The following GALNT12 variants were observed in gnomAD, a reference collection of about 807,000 sequenced individuals.
GALNT12 encodes UDP-GalNAc:polypeptide N-acetylgalactosaminyltransferase 12.
GALNT12 carries 45 observed loss-of-function variants against 55.5 expected under a neutral mutation model. The ratio of observed to expected loss-of-function variants is 0.81; its 90% CI spans 0.64 to 1.04. The LOEUF is 1.04. Among genes scored for constraint, GALNT12 ranks in the 50% least tolerant of loss-of-function variants. GALNT12 has a pLI of 0.00. For missense variants in GALNT12, 709 were observed against 754.8 expected (o/e 0.94, Z 0.71); for synonymous variants, 304 against 312.2 (o/e 0.97, Z 0.28).
chr9:98,827,032 G>A lies in GALNT12; in HGVS notation c.731+91G>A, dbSNP rs144305790. On this transcript the variant is annotated intron_variant, in intron 3 of 9. Transcript: ENST00000375011. ...CTCATCACGTCACTTGAGGGTTAACGGGTTGCCTGGGCTCAGCTGCTTCTC... is the reference window on the plus strand; with the variant it reads ...CTCATCACGTCACTTGAGGGTTAACAGGTTGCCTGGGCTCAGCTGCTTCTC... 1,459 of 1,362,600 alleles carry A rather than the reference G, an allele frequency of 1.1e-3. 1 individual carries two copies. Among genetic ancestry groups the A allele is most frequent in the Admixed American group, 2.9e-3 (146 of 50,780 alleles). 84.4% of individuals were successfully genotyped at this position (1,362,600 alleles called of 1,614,324 possible).
Position 98,826,877 on chromosome 9 carries a change from G to A in GALNT12, c.667G>A (p.Val223Ile), listed in dbSNP as rs776852348. The A allele has an allele frequency of 1.9e-6, 3 of 1,595,728 alleles. No homozygotes were observed. The highest frequency in any genetic ancestry group is 1.1e-5 in the South Asian group (1 of 88,172). ...GGGGGCGTCTGCGGCGAGGGGCGAT[G>A]TTCTGACCTTCCTGGACTGTCACTG... ...LLGASAARGD[V>I]LTFLDCHCEC... Residue 223 changes from valine (V) to isoleucine (I), a missense_variant, in exon 3 of 10, where the codon GTT becomes ATT. Coordinates refer to ENST00000375011, the MANE Select transcript of GALNT12 (RefSeq NM_024642.5).
At position 98,810,362 on chromosome 9, in the gene GALNT12, A is replaced by G. The variant is rs138137382; in HGVS notation, c.371+2293A>G. Reference sequence around the variant, plus strand: ...CACATCTCAGGCAGAGCCACAGTCCATATCTGTTACTCGTTCCTCCCTTTT... The same window carrying G: ...CACATCTCAGGCAGAGCCACAGTCCGTATCTGTTACTCGTTCCTCCCTTTT... On this transcript the variant is annotated intron_variant, in intron 1 of 9. Transcript: ENST00000375011. Among the ~76,000 whole-genome samples, 981 of 152,302 alleles carry G rather than the reference A, an allele frequency of 6.4e-3. 8 individuals carry two copies. Among genetic ancestry groups the G allele is most frequent in the South Asian group, 0.012 (60 of 4,822 alleles).
rs79849586 is a variant in GALNT12 at position 98,830,367 on chromosome 9, T to C, written c.732-1405T>C. Among the ~76,000 whole-genome samples, 28 of 152,326 alleles carry C rather than the reference T, an allele frequency of 1.8e-4. 1 individual carries two copies. In the East Asian group the frequency reaches 5.4e-3, roughly 29 times the overall value. ...ACCAGGTAGGGCTCCTGGCATTTTGTGTATCAGGGAGGCCAAGTATCCTGC... is the reference window on the plus strand; with the variant it reads ...ACCAGGTAGGGCTCCTGGCATTTTGCGTATCAGGGAGGCCAAGTATCCTGC... On this transcript the variant is annotated intron_variant, in intron 3 of 9. Transcript: ENST00000375011.
intron 1 of GALNT12, among the ~76,000 whole-genome samples, chr9:98,820,132 A>G (rs971152520): frequency 6.6e-6 from 1 of 152,116 alleles, no homozygotes. Flanking sequence ...TGTGCAGGAT[A>G]TACAGGTTTG....
chr9:98,814,601 T>G (rs1232983224), intron 1 of GALNT12, among the ~76,000 whole-genome samples: 2 of 151,698 alleles, frequency 1.3e-5, no homozygotes, highest in Non-Finnish European at 1.5e-5. Context: ...TCCCAGCTAC[T>G]TGGGAGGCTG....
chr9:98,848,400 CAGG>C (rs1836468373), intron 9 of GALNT12, among the ~76,000 whole-genome samples: 2 of 152,130 alleles, frequency 1.3e-5, no homozygotes, highest in African/African-American at 4.8e-5. Context: ...AGGAGAGAAG[CAGG>C]AGGTCATTAA....
intron 1 of GALNT12, among the ~76,000 whole-genome samples, chr9:98,814,101 G>A (rs947083429): frequency 4.6e-5 from 7 of 152,138 alleles, no homozygotes; most frequent in African/African-American, 1.7e-4. Flanking sequence ...ATGTCATCAC[G>A]AAATTATTGA....
chr9:98,823,536 G>T, intron 2 of GALNT12, 111 bp downstream of exon 2: 1 of 878,622 alleles, frequency 1.1e-6, no homozygotes, highest in Admixed American at 1.8e-5. Context: ...TGGGCTTCCT[G>T]TATCCTCCTG....
intron 6 of GALNT12, among the ~76,000 whole-genome samples, chr9:98,839,439 T>C (rs1836235800): frequency 6.6e-6 from 1 of 152,268 alleles, no homozygotes; most frequent in South Asian, 2.1e-4. Context: ...TATTTAATTA[T>C]TCAAAAGCTC....
At chr9:98,812,579 A>G (rs1291849206) in intron 1 of GALNT12, among the ~76,000 whole-genome samples, 1 of 152,240 alleles carries the variant, frequency 6.6e-6, no homozygotes, top group Non-Finnish European at 1.5e-5. Context: ...GCGACAGAAC[A>G]AGACTCCATT....
chr9:98,844,083 A>T lies in GALNT12; in HGVS notation c.1345-13A>T. 1 of 1,570,462 alleles carries T rather than the reference A, an allele frequency of 6.4e-7. No individual in the cohort carries two copies. The highest frequency in any genetic ancestry group is 2.2e-5 in the East Asian group (1 of 44,654). On this transcript the variant is annotated splice_polypyrimidine_tract_variant and intron_variant, in intron 7 of 9. Transcript: ENST00000375011. ...AAATCTGGACTGAAATGCCACATTT[A>T]TGTTTTATTTAGCTCCAGAACAAAG...
At chr9:98,848,832 C>T (rs1836480337) in intron 9 of GALNT12, 120 bp from the exon 10 acceptor site, 2 of 1,184,006 alleles carry the variant, frequency 1.7e-6, no homozygotes, top group African/African-American at 1.5e-5. Flanking sequence ...ACGGAAGACA[C>T]TTACCCCTCA....
intron 1 of GALNT12, among the ~76,000 whole-genome samples, chr9:98,818,021 C>T (rs1366454580): frequency 1.3e-5 from 2 of 152,034 alleles, no homozygotes; most frequent in African/African-American, 2.4e-5. Flanking sequence ...ATTGTTTTGG[C>T]CCATTTAATC....
At chr9:98,822,990 C>T (rs1185660215) in intron 1 of GALNT12, among the ~76,000 whole-genome samples, 1 of 152,184 alleles carries the variant, frequency 6.6e-6, no homozygotes. Flanking sequence ...CCTTCTGATT[C>T]TGTCTCGTTT....
chr9:98,842,808 T>TA (rs71498708), intron 7 of GALNT12, among the ~76,000 whole-genome samples: 22,623 of 151,190 alleles, frequency 0.15, 2,349 homozygotes, highest in East Asian at 0.33. Flanking sequence ...GTAACCATAT[T>TA]AAAAAAAAAG....
chr9:98,849,406 G>A lies in GALNT12; in HGVS notation c.*314G>A, dbSNP rs892732594. 2.5e-5 allele frequency: 14 copies of A among 552,716 alleles called. No individual in the cohort carries two copies. The highest frequency in any genetic ancestry group is 4.6e-4 in the Middle Eastern group (1 of 2,164). 34.2% of individuals were successfully genotyped at this position (552,716 alleles called of 1,614,324 possible). On this transcript the variant is annotated 3_prime_UTR_variant, in exon 10 of 10. Transcript: ENST00000375011. ...CTATCAAGATGTATATTTTACAGTCGTGCCTTTTACTCTCATTAGCAAAAA... is the reference window on the plus strand; with the variant it reads ...CTATCAAGATGTATATTTTACAGTCATGCCTTTTACTCTCATTAGCAAAAA...
chr9:98,824,474 GC>G (rs1184071241), intron 2 of GALNT12, among the ~76,000 whole-genome samples: 1 of 152,204 alleles, frequency 6.6e-6, no homozygotes, highest in African/African-American at 2.4e-5. Flanking sequence ...GAGCGTGGTT[GC>G]CTGGCCACGT....
intron 4 of GALNT12, among the ~76,000 whole-genome samples, chr9:98,833,967 A>T (rs1380490918): frequency 6.6e-6 from 1 of 152,082 alleles, no homozygotes; most frequent in African/African-American, 2.4e-5. Flanking sequence ...TTTAGGATAA[A>T]CACACGTGAA....
intron 9 of GALNT12, chr9:98,847,428 C>T (rs1410703814): frequency 6.6e-6 from 1 of 152,182 alleles, no homozygotes; most frequent in Non-Finnish European, 1.5e-5. Context: ...CTTGAATGTC[C>T]TCCTCTTCCC....
Sources: allele counts gnomAD v4.1 joint callset (sites outside exome capture counted in the v4.1 genomes callset), GRCh38; gene constraint gnomAD v4.1.1; transcripts MANE v1.5; gene names NCBI Gene and HGNC (gene_info 2026-07-23, HGNC 2026-07-21).